RNF213: variants seen among roughly 807,000 people sequenced by gnomAD.
The protein encoded by RNF213 is E3 ubiquitin-protein ligase RNF213.
RNF213 carries 341 observed loss-of-function variants against 514.4 expected under a neutral mutation model. The observed-to-expected ratio is 0.66, with a 90% CI of 0.61 to 0.73. The LOEUF (loss-of-function observed/expected upper bound fraction) is 0.73, where lower values mean the gene tolerates loss of function less well. Ranked by LOEUF, RNF213 falls within the 30% of genes least tolerant of loss-of-function variation. The pLI is 0.00. For missense variants in RNF213, 5,767 were observed against 6,615.6 expected, an observed-to-expected ratio of 0.87 and a Z score of 4.45; for synonymous variants, 2,655 against 2,658.2, an observed-to-expected ratio of 1.00 and a Z score of 0.04.
Position 80,347,098 on chromosome 17 carries a change from C to G in RNF213, c.8763C>G (p.Asp2921Glu). 6.2e-7 allele frequency: 1 copy of G among 1,614,122 alleles called. No homozygotes were observed. Residue 2921 changes from aspartate (D) to glutamate (E), a missense_variant, in exon 29 of 68, where the codon GAC (aspartate) becomes GAG (glutamate). By Grantham distance (45) the Asp-to-Glu change is conservative. This residue lies in a region of RNF213 where 919 missense variants were observed against 1,121.0 expected (regional missense o/e 0.82). Transcript: ENST00000582970. This position sits in a 1 kb window ranked among gnomAD's most constrained non-coding sequence, Gnocchi z 7.2. ...IESAKGICSS[D>E]ILVQDRVQGY... ...GCGCCAAGGGCATCTGCTCCTCAGA[C>G]ATCCTCGTCCAGGACCGAGTCCAAG...
chr17:80,297,174 G>C (rs879383243), intron 10 of RNF213, among the ~76,000 whole-genome samples: 4 of 151,788 alleles, frequency 2.6e-5, no homozygotes, highest in African/African-American at 9.7e-5. Context: ...TTTTGGGGCC[G>C]GGCACGGTGG....
chr17:80,307,046 T>C, intron 12 of RNF213, 82 bp from the exon 13 acceptor site: 3 of 1,417,692 alleles, frequency 2.1e-6, no homozygotes, highest in East Asian at 2.3e-5. Context: ...TGATGTTGGA[T>C]TTTTTTCAGC....
chr17:80,294,343 G>C lies in RNF213; in HGVS notation c.1472-377G>C, dbSNP rs199939295. Among the ~76,000 whole-genome samples the C allele has an allele frequency of 9.9e-5, 15 of 152,268 alleles. No individual in the cohort carries two copies. In the East Asian group the frequency reaches 2.3e-3, roughly 23 times the overall value. ...CAGGACAGTGCTCACTTGCTAGTGG[G>C]GGGATGCGGTTTCTGTATGACACAT... is the stretch of plus-strand genomic sequence containing the variant. On this transcript the variant is annotated intron_variant, in intron 8 of 67. Coordinates refer to ENST00000582970, the MANE Select transcript of RNF213 (RefSeq NM_001256071.3).
chr17:80,293,680 C>G (rs1050139802), intron 8 of RNF213, among the ~76,000 whole-genome samples: 2 of 151,912 alleles, frequency 1.3e-5, no homozygotes, highest in Non-Finnish European at 2.9e-5. Flanking sequence ...AAAAATTGGC[C>G]GGGCGTCTTG....
At chr17:80,388,781 G>T in intron 64 of RNF213, 92 bp downstream of exon 64, 1 of 1,004,492 alleles carries the variant, frequency 1.0e-6, no homozygotes, top group Non-Finnish European at 1.6e-6. Context: ...CTTGCCCCGG[G>T]TGTTTGCTGT....
In RNF213 at chr17:80,364,528, C is replaced by G; in HGVS notation, c.11846C>G (p.Thr3949Ser). ...GTCCCCGAGTTACAGGGGCTGGTGACCGAGCACGTCTTCTTACTAGACAAG... is the reference window on the plus strand; with the variant it reads ...GTCCCCGAGTTACAGGGGCTGGTGAGCGAGCACGTCTTCTTACTAGACAAG... ...SRVPELQGLV[T>S]EHVFLLDKCL... The change falls in exon 42 of 68, where the codon ACC becomes AGC. Residue 3949 changes from threonine to serine, a missense_variant. Around this residue, in one of 13 missense-constraint regions of RNF213, gnomAD observed 355 missense variants for 358.0 expected, o/e 0.99. Coordinates refer to ENST00000582970, the MANE Select transcript of RNF213 (RefSeq NM_001256071.3). 1.2e-6 allele frequency: 2 copies of G among 1,614,186 alleles called. No homozygotes were observed. Among genetic ancestry groups the G allele is most frequent in the South Asian group, 1.1e-5 (1 of 91,082 alleles).
At chr17:80,281,358 CACACA>C in intron 3 of RNF213, among the ~76,000 whole-genome samples, 1 of 138,258 alleles carries the variant, frequency 7.2e-6, no homozygotes. Flanking sequence ...ACCCCACTCA[CACACA>C]CCTCAACACA....
chr17:80,340,152 G>C lies in RNF213; in HGVS notation c.5785G>C (p.Val1929Leu). Reference sequence around the variant, plus strand: ...CCGAGAAGACTACCAGCTCGTCATGGTCTGTGATGGGGACTGGGAGCACTG... The same window carrying C: ...CCGAGAAGACTACCAGCTCGTCATGCTCTGTGATGGGGACTGGGAGCACTG... ...QHREDYQLVM[V>L]CDGDWEHCYL... The change falls in exon 26 of 68, where the codon GTC becomes CTC. Residue 1929 changes from valine (V) to leucine (L), a missense_variant. Transcript: ENST00000582970. The C allele has an allele frequency of 1.2e-6, 2 of 1,613,966 alleles. No individual in the cohort carries two copies. The highest frequency in any genetic ancestry group is 1.7e-6 in the Non-Finnish European group (2 of 1,180,000).
At chr17:80,278,626 C>T (rs1025029907) in intron 3 of RNF213, 4 of 1,049,594 alleles carry the variant, frequency 3.8e-6, no homozygotes, top group Non-Finnish European at 4.1e-6. Flanking sequence ...GGAAGCTGGT[C>T]AGTGCCCACA....
chr17:80,274,257 C>G (rs1370061898), intron 3 of RNF213, among the ~76,000 whole-genome samples: 1 of 152,028 alleles, frequency 6.6e-6, no homozygotes, highest in Non-Finnish European at 1.5e-5. Context: ...TTGGCTCCCT[C>G]TGGCCTTGAA....
In RNF213 at chr17:80,340,339, C is replaced by T. The variant is rs1164127473; in HGVS notation, c.5972C>T (p.Ser1991Leu). The change falls in exon 26 of 68, where the codon TCG (serine) becomes TTG (leucine). Residue 1991 changes from serine (S) to leucine (L), a missense_variant. Ser to Leu is a moderately radical substitution (Grantham distance 145). Transcript: ENST00000582970. ...CGGCTGTGTGTTGGGATCGTGGCCT[C>T]GGAGCGAGCAGGTGTTGGTAAGGAG... ...NDRLCVGIVASERAGVGKSLY... is the reference protein window; with the variant it reads ...NDRLCVGIVALERAGVGKSLY... 2 of 1,609,822 alleles carry T rather than the reference C, an allele frequency of 1.2e-6. No homozygotes were observed. The highest frequency in any genetic ancestry group is 1.1e-5 in the South Asian group (1 of 90,980).
chr17:80,342,408 G>A (rs2078178674), intron 26 of RNF213, among the ~76,000 whole-genome samples: 2 of 152,040 alleles, frequency 1.3e-5, no homozygotes, highest in Non-Finnish European at 2.9e-5. Flanking sequence ...GAAATGTGAA[G>A]GTTCAAGAGC....
intron 5 of RNF213, among the ~76,000 whole-genome samples, chr17:80,289,318 G>A (rs1216617633): frequency 1.3e-5 from 2 of 152,144 alleles, no homozygotes; most frequent in South Asian, 4.1e-4. Context: ...GGCCAGGCGC[G>A]GTAGCTCACA....
chr17:80,282,160 G>A (rs915606825), intron 3 of RNF213, among the ~76,000 whole-genome samples: 1 of 152,032 alleles, frequency 6.6e-6, no homozygotes, highest in African/African-American at 2.4e-5. Context: ...GCCGGCCCCC[G>A]ACACCATGCA....
In RNF213 at chr17:80,343,746, G is replaced by A. The variant is rs1179040142; in HGVS notation, c.6184-111G>A. On this transcript the variant is annotated intron_variant, in intron 27 of 67. Coordinates refer to ENST00000582970, the MANE Select transcript of RNF213 (RefSeq NM_001256071.3). The surrounding 1 kb of genome is among the most constrained non-coding windows in gnomAD (Gnocchi z 4.3). ...GGCCGTTGTTGGCTGAAATGTTGATGTTGATCATCAGGATCATCGTGACAA... is the reference window on the plus strand; with the variant it reads ...GGCCGTTGTTGGCTGAAATGTTGATATTGATCATCAGGATCATCGTGACAA... The A allele has an allele frequency of 8.9e-6, 10 of 1,127,804 alleles. No individual in the cohort carries two copies. The highest frequency in any genetic ancestry group is 1.4e-5 in the Non-Finnish European group (10 of 739,354). The allele number at this position is 1,127,804 out of a possible 1,614,324, so 69.9% of individuals were successfully genotyped here. A position where few individuals can be genotyped will look rare whatever the true frequency, so the allele number is the denominator to read the frequency against.
At chr17:80,383,474 A>G (rs1221191982) in intron 58 of RNF213, among the ~76,000 whole-genome samples, 1 of 152,192 alleles carries the variant, frequency 6.6e-6, no homozygotes, top group Non-Finnish European at 1.5e-5. Flanking sequence ...AGGTTTCTGA[A>G]TCTCATTCTG....
rs1386250679 is a variant in RNF213, at chr17:80,358,333, G to A, written c.10908G>A (p.Leu3636=). Residue 3636 remains leucine, a synonymous_variant, in exon 37 of 68, where the codon CTG becomes CTA. Coordinates refer to ENST00000582970, the MANE Select transcript of RNF213 (RefSeq NM_001256071.3). ...KRVQGAVTPL[L]ASMISFIDRD... ...TCCAAGGTGCTGTCACCCCTCTGCTGGCGAGCATGATATCATTCATCGACA... is the reference window on the plus strand; with the variant it reads ...TCCAAGGTGCTGTCACCCCTCTGCTAGCGAGCATGATATCATTCATCGACA... 1.9e-6 allele frequency: 3 copies of A among 1,614,164 alleles called. No homozygotes were observed. Among genetic ancestry groups the A allele is most frequent in the African/African-American group, 1.3e-5 (1 of 75,058 alleles).
At chr17:80,279,059 C>A in intron 3 of RNF213, 1 of 1,009,752 alleles carries the variant, frequency 9.9e-7, no homozygotes, top group Non-Finnish European at 1.4e-6. Flanking sequence ...CACCCTTGGG[C>A]TGTGAAAGAG....
At chr17:80,364,604 A>G in intron 42 of RNF213, 51 bp downstream of exon 42, 1 of 1,611,926 alleles carries the variant, frequency 6.2e-7, no homozygotes, top group Non-Finnish European at 8.5e-7. Flanking sequence ...CCTTTTCCGA[A>G]AGGAAGAACA....
Sources: gnomAD v4.1 joint callset for allele counts (sites outside exome capture counted in the v4.1 genomes callset) on GRCh38, gnomAD v4.1.1 for gene constraint, gnomAD v4.1.1 regional missense constraint, Gnocchi (gnomAD v3.1) non-coding constraint, MANE v1.5 for transcripts, NCBI Gene and HGNC (gene_info 2026-07-23, HGNC 2026-07-21) for gene names.